The following GALNTL6 variants were observed in gnomAD, a reference collection of about 807,000 sequenced individuals.
GALNTL6 encodes polypeptide N-acetylgalactosaminyltransferase-like 6.
GALNTL6 carries 46 observed loss-of-function variants against 73.7 expected under a neutral mutation model. That is an observed-to-expected ratio of 0.62 (90% CI 0.49 to 0.80). The LOEUF (loss-of-function observed/expected upper bound fraction) is 0.80, where lower values mean the gene tolerates loss of function less well. Among genes scored for constraint, GALNTL6 ranks in the 30% least tolerant of loss-of-function variants. The pLI, the probability that GALNTL6 is intolerant of heterozygous loss-of-function variation, is 0.00. For missense variants in GALNTL6, 604 were observed against 755.0 expected (o/e 0.80, Z 2.34); for synonymous variants, 259 against 263.7 (o/e 0.98, Z 0.17).
In GALNTL6 at chr4:172,560,522, G is replaced by A. The variant is rs577840995; in HGVS notation, c.553+211833G>A. Among the ~76,000 whole-genome samples, 3 of 152,076 alleles carry A rather than the reference G, an allele frequency of 2.0e-5. No individual in the cohort carries two copies. The South Asian group carries it at 6.2e-4, about 32-fold the overall frequency. ...GCAGAAATTTTTACTGGCAACATTT[G>A]CAGAAGGTTGTGGGTTGGATAGCAT... On this transcript the variant is annotated intron_variant, in intron 5 of 12. Coordinates refer to ENST00000506823, the MANE Select transcript of GALNTL6 (RefSeq NM_001034845.3).
chr4:172,754,632 G>T (rs1737636302), intron 5 of GALNTL6, among the ~76,000 whole-genome samples: 1 of 152,044 alleles, frequency 6.6e-6, no homozygotes, highest in South Asian at 2.1e-4. Flanking sequence ...TGCATTATAG[G>T]TTATCAAAAG....
intron 12 of GALNTL6, among the ~76,000 whole-genome samples, chr4:173,035,105 T>A (rs116570377): frequency 0.023 from 3,461 of 152,072 alleles, 70 homozygotes; most frequent in Non-Finnish European, 0.032. Context: ...TCTTTTTTTT[T>A]TTATTATACT....
chr4:172,848,897 G>A (rs537421335), intron 7 of GALNTL6, among the ~76,000 whole-genome samples: 329 of 152,266 alleles, frequency 2.2e-3, no homozygotes, highest in Non-Finnish European at 4.0e-3. Flanking sequence ...CCATCTGAAA[G>A]GAGCAGCCAC....
chr4:171,927,594 C>A (rs773587879), intron 2 of GALNTL6, among the ~76,000 whole-genome samples: 36 of 152,122 alleles, frequency 2.4e-4, no homozygotes, highest in Non-Finnish European at 3.7e-4. Context: ...AGGATTCTAG[C>A]CTTGGCACCC....
At chr4:172,079,434 T>C (rs572763265) in intron 2 of GALNTL6, among the ~76,000 whole-genome samples, 2 of 152,234 alleles carry the variant, frequency 1.3e-5, no homozygotes, top group South Asian at 4.1e-4. Flanking sequence ...CTTTGATTAA[T>C]TGACTATTTT....
intron 5 of GALNTL6, among the ~76,000 whole-genome samples, chr4:172,641,898 T>C (rs372035815): frequency 1.3e-5 from 2 of 151,896 alleles, no homozygotes; most frequent in Non-Finnish European, 1.5e-5. Flanking sequence ...ACAAATAATG[T>C]GATTGAAAAA....
intron 5 of GALNTL6, among the ~76,000 whole-genome samples, chr4:172,403,584 T>G (rs533699283): frequency 2.8e-4 from 42 of 152,168 alleles, no homozygotes; most frequent in Admixed American, 2.4e-3. Context: ...ACAATAAAAC[T>G]GAATGAAAAT....
intron 2 of GALNTL6, among the ~76,000 whole-genome samples, chr4:172,123,500 A>ATTTTTTTTT (rs67067629): frequency 6.9e-5 from 8 of 115,440 alleles, no homozygotes; most frequent in Admixed American, 1.0e-4. Flanking sequence ...AAAAGTCATA[A>ATTTTTTTTT]TTTTTTTTTT....
intron 5 of GALNTL6, among the ~76,000 whole-genome samples, chr4:172,439,190 A>ACG (rs1306618648): frequency 6.6e-6 from 1 of 151,200 alleles, no homozygotes; most frequent in Non-Finnish European, 1.5e-5. Context: ...ACACACACAC[A>ACG]CACACACACA....
chr4:172,748,510 GA>G (rs1163329789), intron 5 of GALNTL6, among the ~76,000 whole-genome samples: 10 of 151,328 alleles, frequency 6.6e-5, no homozygotes, highest in African/African-American at 1.7e-4. Flanking sequence ...AAACAACATG[GA>G]AAAAAAATGC....
At chr4:171,972,168 C>T (rs961592063) in intron 2 of GALNTL6, among the ~76,000 whole-genome samples, 1 of 152,102 alleles carries the variant, frequency 6.6e-6, no homozygotes, top group East Asian at 1.9e-4. Context: ...ACCTCTACAA[C>T]TTGTAGTTTT....
intron 2 of GALNTL6, among the ~76,000 whole-genome samples, chr4:171,956,717 T>C (rs1010328615): frequency 2.0e-5 from 3 of 152,232 alleles, no homozygotes; most frequent in South Asian, 2.1e-4. Flanking sequence ...GCATTGACTT[T>C]ATTGTTGTTT....
chr4:172,058,535 T>A (rs2110875761), intron 2 of GALNTL6, among the ~76,000 whole-genome samples: 1 of 152,236 alleles, frequency 6.6e-6, no homozygotes, highest in Non-Finnish European at 1.5e-5. Flanking sequence ...TTGTTTTGTG[T>A]CTGTGTGTGT....
intron 5 of GALNTL6, among the ~76,000 whole-genome samples, chr4:172,418,933 A>C (rs900824553): frequency 2.1e-4 from 15 of 72,460 alleles, no homozygotes; most frequent in African/African-American, 5.5e-4. Flanking sequence ...TTTAAAAAGT[A>C]GTTTTCTACG....
At chr4:172,324,009 A>ATC (rs1429503325) in intron 4 of GALNTL6, among the ~76,000 whole-genome samples, 1 of 151,964 alleles carries the variant, frequency 6.6e-6, no homozygotes, top group African/African-American at 2.4e-5. Context: ...ATGGCACAAA[A>ATC]TCATAACCAT....
chr4:172,852,226 T>C (rs1743862407), intron 7 of GALNTL6, among the ~76,000 whole-genome samples: 1 of 152,124 alleles, frequency 6.6e-6, no homozygotes, highest in Admixed American at 6.6e-5. Context: ...TCACTCTAAT[T>C]CCAACTGAGT....
intron 2 of GALNTL6, among the ~76,000 whole-genome samples, chr4:171,996,617 A>G (rs1050375381): frequency 1.3e-5 from 2 of 151,224 alleles, no homozygotes; most frequent in African/African-American, 4.9e-5. Context: ...CTATTATTAT[A>G]TTCTTCAAAG....
chr4:172,500,563 T>C (rs1232855922), intron 5 of GALNTL6, among the ~76,000 whole-genome samples: 1 of 152,128 alleles, frequency 6.6e-6, no homozygotes, highest in Non-Finnish European at 1.5e-5. Flanking sequence ...TAGCACAATA[T>C]TTTTCAAATA....
intron 2 of GALNTL6, among the ~76,000 whole-genome samples, chr4:172,220,258 C>A (rs1736631037): frequency 6.6e-6 from 1 of 151,642 alleles, no homozygotes; most frequent in South Asian, 2.1e-4. Flanking sequence ...CTAAACAGTG[C>A]CAGACACATA....
Sources: allele counts gnomAD v4.1 joint callset (sites outside exome capture counted in the v4.1 genomes callset), GRCh38; gene constraint gnomAD v4.1.1; transcripts MANE v1.5; gene names NCBI Gene and HGNC (gene_info 2026-07-23, HGNC 2026-07-21).